FSHR: variants seen among roughly 807,000 people sequenced by gnomAD.
The protein encoded by FSHR is follicle stimulating hormone receptor.
FSHR carries 46 observed loss-of-function variants against 52.1 expected under a neutral mutation model. The observed-to-expected ratio is 0.88, with a 90% CI of 0.70 to 1.13. The LOEUF (loss-of-function observed/expected upper bound fraction) is 1.13. Among genes scored for constraint, FSHR ranks in the 50% most tolerant of loss-of-function variants. The pLI, the probability that FSHR is intolerant of heterozygous loss-of-function variation, is 0.00. For missense variants in FSHR, 964 were observed against 834.6 expected (o/e 1.16, Z -1.91); for synonymous variants, 399 against 309.6 (o/e 1.29, Z -3.03).
chr2:48,992,371 C>T lies in FSHR; in HGVS notation c.375-1734G>A, dbSNP rs138098735. Reference sequence around the variant, plus strand: ...CTTCATATCCCTAGCAACCACTGATCAGTTTTCTGTTTCTGTAATTTTGCC... The same window carrying T: ...CTTCATATCCCTAGCAACCACTGATTAGTTTTCTGTTTCTGTAATTTTGCC... On this transcript the variant is annotated intron_variant, in intron 4 of 9. Transcript: ENST00000406846. 2.8e-3 allele frequency among the ~76,000 whole-genome samples: 422 copies of T among 152,200 alleles called. 2 individuals are homozygous for T. Among genetic ancestry groups the T allele is most frequent in the African/African-American group, 9.9e-3 (413 of 41,532 alleles).
intron 1 of FSHR, among the ~76,000 whole-genome samples, chr2:49,109,306 T>A (rs960084607): frequency 6.6e-6 from 1 of 151,124 alleles, no homozygotes; most frequent in African/African-American, 2.4e-5. Flanking sequence ...GAGAGGGGAG[T>A]TGGTGTGAAG....
chr2:49,138,704 G>A (rs1386573538), intron 1 of FSHR, among the ~76,000 whole-genome samples: 1 of 152,186 alleles, frequency 6.6e-6, no homozygotes, highest in African/African-American at 2.4e-5. Flanking sequence ...AATGGAGGAT[G>A]ATAGCTAACA....
chr2:49,013,789 A>G (rs962813663), intron 4 of FSHR, among the ~76,000 whole-genome samples: 2 of 151,866 alleles, frequency 1.3e-5, no homozygotes, highest in East Asian at 1.9e-4. Context: ...GTCCTCCCCA[A>G]ATTTATATGT....
intron 2 of FSHR, among the ~76,000 whole-genome samples, chr2:49,055,482 A>C (rs1476466707): frequency 6.7e-6 from 1 of 148,416 alleles, no homozygotes; most frequent in African/African-American, 2.5e-5. Flanking sequence ...TAATAGCTGA[A>C]AATTTCCCAA....
chr2:49,117,017 T>C (rs1671624786), intron 1 of FSHR, among the ~76,000 whole-genome samples: 1 of 152,226 alleles, frequency 6.6e-6, no homozygotes, highest in African/African-American at 2.4e-5. Context: ...TCCCCTTCTT[T>C]GCCTACCATT....
chr2:49,143,593 C>T (rs555076060), intron 1 of FSHR, among the ~76,000 whole-genome samples: 27 of 152,080 alleles, frequency 1.8e-4, no homozygotes, highest in African/African-American at 6.0e-4. Flanking sequence ...CCTGAAACTC[C>T]ACTGAGAAGA....
chr2:49,021,829 G>GTTTTTCTC (rs1306009434), intron 2 of FSHR, among the ~76,000 whole-genome samples: 3 of 89,502 alleles, frequency 3.4e-5, no homozygotes, highest in African/African-American at 4.7e-5. Context: ...TGGGGTATGT[G>GTTTTTCTC]TTTCTCTCTC....
chr2:48,999,693 T>C (rs983905104), intron 4 of FSHR, among the ~76,000 whole-genome samples: 8 of 152,080 alleles, frequency 5.3e-5, no homozygotes, highest in Non-Finnish European at 1.0e-4. Flanking sequence ...GTTACAATGG[T>C]CAAATACGTT....
intron 1 of FSHR, among the ~76,000 whole-genome samples, chr2:49,120,270 C>A (rs1427687475): frequency 6.6e-6 from 1 of 152,048 alleles, no homozygotes; most frequent in Non-Finnish European, 1.5e-5. Context: ...GACTCCATCT[C>A]AGACAAAAAA....
intron 2 of FSHR, among the ~76,000 whole-genome samples, chr2:49,044,218 A>G (rs929753808): frequency 6.6e-6 from 1 of 152,218 alleles, no homozygotes; most frequent in African/African-American, 2.4e-5. Flanking sequence ...AATATAAGTG[A>G]TATGCTGTTT....
At chr2:49,143,493 T>A (rs1437686524) in intron 1 of FSHR, among the ~76,000 whole-genome samples, 1 of 152,142 alleles carries the variant, frequency 6.6e-6, no homozygotes, top group African/African-American at 2.4e-5. Context: ...TCAGTGGAAC[T>A]ATGGAGACAG....
At chr2:48,969,723 C>G (rs990479227) in intron 8 of FSHR, among the ~76,000 whole-genome samples, 1 of 152,214 alleles carries the variant, frequency 6.6e-6, no homozygotes, top group African/African-American at 2.4e-5. Context: ...AAGTCTCTGC[C>G]TGTCCATTAG....
intron 1 of FSHR, among the ~76,000 whole-genome samples, chr2:49,086,116 T>A (rs1056354473): frequency 9.9e-5 from 15 of 152,066 alleles, no homozygotes; most frequent in African/African-American, 3.6e-4. Context: ...AGTATAATAA[T>A]AAAAATATAG....
At chr2:49,018,735 G>GA (rs1667587380) in intron 3 of FSHR, among the ~76,000 whole-genome samples, 1 of 152,136 alleles carries the variant, frequency 6.6e-6, no homozygotes, top group African/African-American at 2.4e-5. Context: ...AGGCAACGAG[G>GA]AAAAATGAAG....
rs749955186 is a variant in FSHR, at chr2:48,963,543, C to T, written c.1278G>A (p.Lys426=). The T allele has an allele frequency of 1.2e-6, 2 of 1,614,012 alleles. No individual in the cohort carries two copies. Among genetic ancestry groups the T allele is most frequent in the Non-Finnish European group, 1.7e-6 (2 of 1,180,014 alleles). Residue 426 remains lysine (K), a synonymous_variant, in exon 10 of 10, where the codon AAG becomes AAA. Coordinates refer to ENST00000406846, the MANE Select transcript of FSHR (RefSeq NM_000145.4). ...CAATGGCATAGTTGTGATATTGGCT[C>T]TTGGTATGGATATCAACTGATGCAA... The part of the protein sequence containing the change: ...LLIASVDIHT[K]SQYHNYAIDW...
intron 1 of FSHR, among the ~76,000 whole-genome samples, chr2:49,143,495 T>A (rs963645629): frequency 6.6e-6 from 1 of 152,194 alleles, no homozygotes; most frequent in Non-Finnish European, 1.5e-5. Flanking sequence ...AGTGGAACTA[T>A]GGAGACAGAG....
intron 4 of FSHR, among the ~76,000 whole-genome samples, chr2:49,002,219 C>A (rs1186141777): frequency 2.0e-5 from 3 of 152,124 alleles, no homozygotes; most frequent in Admixed American, 6.6e-5. Flanking sequence ...CCGTATCACC[C>A]AGCAATACCT....
intron 1 of FSHR, among the ~76,000 whole-genome samples, chr2:49,099,971 A>G (rs370030016): frequency 6.6e-6 from 1 of 152,130 alleles, no homozygotes; most frequent in South Asian, 2.1e-4. Flanking sequence ...TATAAATCCA[A>G]AGCTAAGGAA....
chr2:49,152,302 C>G (rs1425585083), intron 1 of FSHR, among the ~76,000 whole-genome samples: 1 of 152,128 alleles, frequency 6.6e-6, no homozygotes, highest in East Asian at 1.9e-4. Context: ...CTCACACAGT[C>G]TCTTTCCATA....
Sources: gnomAD v4.1 joint callset for allele counts (sites outside exome capture counted in the v4.1 genomes callset) on GRCh38, gnomAD v4.1.1 for gene constraint, MANE v1.5 for transcripts, NCBI Gene and HGNC (gene_info 2026-07-23, HGNC 2026-07-21) for gene names.